Variants in SIN3A observed in about 807,000 individuals in gnomAD.
SIN3A encodes SIN3 transcription regulator family member A.
In SIN3A, 14 loss-of-function variants were observed where a neutral mutation model predicts 146.1. The ratio of observed to expected loss-of-function variants is 0.10; its 90% CI spans 0.06 to 0.15. The LOEUF (loss-of-function observed/expected upper bound fraction) is 0.15, where lower values mean the gene tolerates loss of function less well. SIN3A is among the 10% of genes least tolerant of loss of function. The pLI is 1.00. For synonymous variants in SIN3A, 572 were observed against 572.0 expected (o/e 1.00, Z 0.00); for missense variants, 1,028 against 1,576.0 (o/e 0.65, Z 5.89).
rs2072767448 is a variant in SIN3A, at chr15:75,372,331, C to T, written c.3592-122G>A. The stretch of plus-strand genomic sequence containing the variant: ...AAGATGTGGGCTCAAGTCTTAGATA[C>T]CACTGTTTTTTTCTTAAAAGAAAAA... On this transcript the variant is annotated intron_variant, in intron 20 of 20. Coordinates refer to ENST00000394947, the MANE Select transcript of SIN3A (RefSeq NM_001145358.2). The T allele has an allele frequency of 5.6e-6, 3 of 534,028 alleles. No individual in the cohort carries two copies. The East Asian group carries it at 9.3e-5, about 17-fold the overall frequency. 33.1% of individuals were successfully genotyped at this position (534,028 alleles called of 1,614,324 possible). A position where few individuals can be genotyped will look rare whatever the true frequency, so the allele number is the denominator to read the frequency against.
chr15:75,424,943 GA>G (rs1381936114), intron 2 of SIN3A, among the ~76,000 whole-genome samples: 3 of 151,716 alleles, frequency 2.0e-5, no homozygotes, highest in South Asian at 2.1e-4. Context: ...ATTTGAATCT[GA>G]AAAAAAAGTT....
At chr15:75,450,180 TAAAA>T (rs374894508) in intron 1 of SIN3A, among the ~76,000 whole-genome samples, 28 of 143,410 alleles carry the variant, frequency 2.0e-4, no homozygotes, top group African/African-American at 6.9e-4. Context: ...TCTGAGTTCT[TAAAA>T]AAAAAAAACA....
Position 75,375,685 on chromosome 15 carries a change from C to T in SIN3A, c.3571G>A (p.Ala1191Thr), listed in dbSNP as rs985341985. Residue 1191 changes from alanine (A) to threonine (T), a missense_variant, in exon 20 of 21, where the codon GCC (alanine) becomes ACC (threonine). Coordinates refer to ENST00000394947, the MANE Select transcript of SIN3A (RefSeq NM_001145358.2). ...CTCACCTGATGAGCCCGGAGCAGGG[C>T]GGTCCTCCGATACATATAGTCCTCT... ...KSEDYMYRRT[A>T]LLRAHQSHER... 2 of 1,614,086 alleles carry T rather than the reference C, an allele frequency of 1.2e-6. No individual in the cohort carries two copies. Among genetic ancestry groups the T allele is most frequent in the South Asian group, 1.1e-5 (1 of 91,076 alleles).
At chr15:75,423,726 GTC>G (rs1351997662) in intron 2 of SIN3A, among the ~76,000 whole-genome samples, 8 of 152,062 alleles carry the variant, frequency 5.3e-5, no homozygotes, top group African/African-American at 1.9e-4. Context: ...TGGGAACAGT[GTC>G]TCACACCTGT....
At chr15:75,452,274 C>G (rs1034052812), upstream of SIN3A, among the ~76,000 whole-genome samples, 28 of 152,206 alleles carry the variant, frequency 1.8e-4, no homozygotes, top group African/African-American at 6.8e-4. Flanking sequence ...CCACCCTGCG[C>G]GAGGAGGCTG....
At chr15:75,375,275 T>C (rs746844694) in intron 20 of SIN3A, among the ~76,000 whole-genome samples, 4 of 152,004 alleles carry the variant, frequency 2.6e-5, no homozygotes, top group African/African-American at 7.3e-5. Context: ...TGTGACCTCA[T>C]CTGGAGGCAG....
chr15:75,428,704 C>T (rs1256317125), intron 2 of SIN3A, among the ~76,000 whole-genome samples: 2 of 152,062 alleles, frequency 1.3e-5, no homozygotes, highest in East Asian at 3.9e-4. Context: ...GCTATGTTGC[C>T]CAGGCTGATC....
upstream of SIN3A, chr15:75,453,379 C>G (rs2074439297): frequency 6.6e-6 from 1 of 152,480 alleles, no homozygotes; most frequent in Non-Finnish European, 1.5e-5. Flanking sequence ...ACCCCAGGGC[C>G]AAACTGCTCG....
intron 2 of SIN3A, among the ~76,000 whole-genome samples, chr15:75,423,453 C>T (rs556004751): frequency 6.6e-5 from 10 of 152,130 alleles, no homozygotes; most frequent in East Asian, 3.9e-4. Context: ...CCAATGCAGG[C>T]GGATCACGAG....
At position 75,444,409 on chromosome 15, in the gene SIN3A, C is replaced by A. The variant is rs561486652; in HGVS notation, c.-34+7014G>T. 5.3e-5 allele frequency among the ~76,000 whole-genome samples: 8 copies of A among 152,078 alleles called. No individual in the cohort carries two copies. The South Asian group carries it at 1.7e-3, about 32-fold the overall frequency. On this transcript the variant is annotated intron_variant, in intron 1 of 20. Transcript: ENST00000394947. Reference sequence around the variant, plus strand: ...TGAGCCAAGATCGCGCTACTGCACTCCAGCCTGGGGATGGAACAAGACCGC... The same window carrying A: ...TGAGCCAAGATCGCGCTACTGCACTACAGCCTGGGGATGGAACAAGACCGC...
chr15:75,444,691 T>A (rs1267339168), intron 1 of SIN3A, among the ~76,000 whole-genome samples: 1 of 151,958 alleles, frequency 6.6e-6, no homozygotes, highest in Non-Finnish European at 1.5e-5. Context: ...CAATACAGAC[T>A]TCGGTGACAC....
intron 9 of SIN3A, among the ~76,000 whole-genome samples, chr15:75,403,706 A>G (rs1195636567): frequency 6.6e-6 from 1 of 151,722 alleles, no homozygotes; most frequent in African/African-American, 2.4e-5. Context: ...ACGCCCAGCT[A>G]ATGTTTTTTT....
chr15:75,411,892 G>A, intron 5 of SIN3A, 149 bp from the exon 6 acceptor site: 1 of 698,786 alleles, frequency 1.4e-6, no homozygotes, highest in Non-Finnish European at 2.2e-6. Context: ...AATCATACTG[G>A]GCAGCAGTGG....
In SIN3A at chr15:75,371,434, C is replaced by T. The variant is rs796886802; in HGVS notation, c.*545G>A. 3 of 152,400 alleles carry T rather than the reference C, an allele frequency of 2.0e-5. No homozygotes were observed. The highest frequency in any genetic ancestry group is 7.2e-5 in the African/African-American group (3 of 41,492). 9.4% of individuals were successfully genotyped at this position (152,400 alleles called of 1,614,324 possible). On this transcript the variant is annotated 3_prime_UTR_variant, in exon 21 of 21. Coordinates refer to ENST00000394947, the MANE Select transcript of SIN3A (RefSeq NM_001145358.2). The stretch of plus-strand genomic sequence containing the variant: ...CAATCCCAAAGCCAAACTGCAGGTC[C>T]CAGATAAAACCTAATGGGTGATCTT...
At chr15:75,378,770 T>G (rs997092979) in intron 19 of SIN3A, among the ~76,000 whole-genome samples, 20 of 152,054 alleles carry the variant, frequency 1.3e-4, no homozygotes, top group Non-Finnish European at 7.4e-5. Flanking sequence ...CAGCTGTTCT[T>G]CTGGTAAGCC....
At chr15:75,382,668 C>G (rs1479191580) in intron 17 of SIN3A, among the ~76,000 whole-genome samples, 1 of 152,212 alleles carries the variant, frequency 6.6e-6, no homozygotes, top group Non-Finnish European at 1.5e-5. Flanking sequence ...CATTTCCGGT[C>G]AGATGCAGTG....
intron 1 of SIN3A, among the ~76,000 whole-genome samples, chr15:75,446,015 T>C (rs1191142206): frequency 6.6e-6 from 1 of 152,190 alleles, no homozygotes; most frequent in Non-Finnish European, 1.5e-5. Context: ...ATACATTCTC[T>C]AATATCTACT....
Position 75,392,283 on chromosome 15 carries a change from T to G in SIN3A, c.2810A>C (p.Lys937Thr). ...EREVLGIKRD[K>T]SDSPAIQLRL... ...TAGCTGAATGGCAGGGCTGTCACTC[T>G]TGTCTCGCTTTATGCCCAGCACTTC... The change falls in exon 15 of 21, where the codon AAG becomes ACG. Residue 937 changes from lysine (K) to threonine (T), a missense_variant. Around this residue, in one of 9 missense-constraint regions of SIN3A, gnomAD observed 488 missense variants for 690.2 expected, o/e 0.71. Transcript: ENST00000394947. 2 of 1,614,212 alleles carry G rather than the reference T, an allele frequency of 1.2e-6. No homozygotes were observed. The highest frequency in any genetic ancestry group is 1.7e-6 in the Non-Finnish European group (2 of 1,180,022).
At chr15:75,425,029 G>A (rs1311294913) in intron 2 of SIN3A, among the ~76,000 whole-genome samples, 1 of 152,008 alleles carries the variant, frequency 6.6e-6, no homozygotes, top group African/African-American at 2.4e-5. Flanking sequence ...CATTACACTG[G>A]CTGACAAAGA....
Sources: gnomAD v4.1 joint callset for allele counts (sites outside exome capture counted in the v4.1 genomes callset) on GRCh38, gnomAD v4.1.1 for gene constraint, gnomAD v4.1.1 regional missense constraint, MANE v1.5 for transcripts, NCBI Gene and HGNC (gene_info 2026-07-23, HGNC 2026-07-21) for gene names.